The following NCOR2 variants were observed in gnomAD, a reference collection of about 807,000 sequenced individuals.
NCOR2 encodes CTG repeat protein 26.
In NCOR2, 81 loss-of-function variants were observed where a neutral mutation model predicts 262.9. That is an observed-to-expected ratio of 0.31 (90% CI 0.26 to 0.37). The LOEUF is 0.37. Among genes scored for constraint, NCOR2 ranks in the 10% least tolerant of loss-of-function variants. The pLI is 1.00. For synonymous variants in NCOR2, 1,659 were observed against 1,559.3 expected (o/e 1.06, Z -1.51); for missense variants, 3,385 against 3,621.4 (o/e 0.93, Z 1.68).
At position 124,488,465 on chromosome 12, in the gene NCOR2, C is replaced by T. The variant is rs148603634; in HGVS notation, c.106-1897G>A. Among the ~76,000 whole-genome samples, 174 of 152,336 alleles carry T rather than the reference C, an allele frequency of 1.1e-3. 2 individuals carry two copies. The South Asian group carries it at 0.021, about 18-fold the overall frequency. On this transcript the variant is annotated intron_variant, in intron 1 of 46. Transcript: ENST00000405201. ...CCCAGCCCAGATTAAAGGAGGCCTG[C>T]ACCTCCTACACTCATCTCCCTCACC...
intron 17 of NCOR2, among the ~76,000 whole-genome samples, chr12:124,381,641 T>C (rs1440324956): frequency 6.6e-6 from 1 of 152,224 alleles, no homozygotes; most frequent in Non-Finnish European, 1.5e-5. Flanking sequence ...ACACAGCTCA[T>C]GAGTTGAGGA....
At chr12:124,508,919 G>A (rs1207868798) in intron 1 of NCOR2, among the ~76,000 whole-genome samples, 3 of 152,260 alleles carry the variant, frequency 2.0e-5, no homozygotes, top group Admixed American at 6.5e-5. Context: ...CGCCAGCAAC[G>A]GCTTGGAGGG....
chr12:124,338,405 G>A (rs1446186057), intron 37 of NCOR2, among the ~76,000 whole-genome samples: 1 of 151,870 alleles, frequency 6.6e-6, no homozygotes. Flanking sequence ...CTACTTGGGA[G>A]GCTGAGGCAG....
At chr12:124,471,837 G>A (rs1279189657) in intron 4 of NCOR2, among the ~76,000 whole-genome samples, 2 of 152,238 alleles carry the variant, frequency 1.3e-5, no homozygotes, top group Admixed American at 1.3e-4. Context: ...AAAGTGCTGG[G>A]ATTACAGGCA....
intron 16 of NCOR2, among the ~76,000 whole-genome samples, chr12:124,392,300 T>G (rs2041361447): frequency 6.6e-6 from 1 of 152,198 alleles, no homozygotes; most frequent in African/African-American, 2.4e-5. Context: ...CCCAAGTTCC[T>G]GCAGAAACCC....
At chr12:124,409,528 C>G (rs901320664) in intron 13 of NCOR2, among the ~76,000 whole-genome samples, 1 of 152,208 alleles carries the variant, frequency 6.6e-6, no homozygotes, top group African/African-American at 2.4e-5. Context: ...CATGTTTGCC[C>G]TTCAACACTC....
intron 21 of NCOR2, among the ~76,000 whole-genome samples, chr12:124,363,269 G>A (rs2038760254): frequency 6.6e-6 from 1 of 152,232 alleles, no homozygotes; most frequent in South Asian, 2.1e-4. Flanking sequence ...ACCTCCAAGG[G>A]CCCACGCACC....
At chr12:124,499,078 T>C (rs767762345), upstream of NCOR2, among the ~76,000 whole-genome samples, 7 of 152,204 alleles carry the variant, frequency 4.6e-5, no homozygotes, top group Non-Finnish European at 1.0e-4. Context: ...TGTGCAGCAC[T>C]GCGAATAGGG....
At chr12:124,447,212 G>A (rs866933059) in intron 7 of NCOR2, among the ~76,000 whole-genome samples, 3 of 152,250 alleles carry the variant, frequency 2.0e-5, no homozygotes, top group Non-Finnish European at 4.4e-5. Context: ...ACCGCGCCCA[G>A]CACATCTAGT....
chr12:124,429,412 A>T, intron 10 of NCOR2: 1 of 600,502 alleles, frequency 1.7e-6, no homozygotes, highest in Non-Finnish European at 3.0e-6. Flanking sequence ...TCCCTCTCAG[A>T]CACATTAACA....
intron 16 of NCOR2, among the ~76,000 whole-genome samples, chr12:124,397,254 A>T: frequency 6.6e-6 from 1 of 152,152 alleles, no homozygotes; most frequent in East Asian, 1.9e-4. Flanking sequence ...CGAGGGAGGG[A>T]GGAGATTCGC....
upstream of NCOR2, among the ~76,000 whole-genome samples, chr12:124,499,173 G>T (rs553067060): frequency 1.3e-5 from 2 of 152,382 alleles, no homozygotes; most frequent in East Asian, 3.9e-4. Context: ...AAAGATGGGG[G>T]CAGGAGAGGA....
chr12:124,541,967 G>C (rs1161234693), intron 1 of NCOR2, among the ~76,000 whole-genome samples: 5 of 151,038 alleles, frequency 3.3e-5, no homozygotes, highest in African/African-American at 1.2e-4. Flanking sequence ...CTGTGTTCCT[G>C]GCCACAGGAG....
upstream of NCOR2, among the ~76,000 whole-genome samples, chr12:124,537,169 A>G (rs837462): frequency 0.4 from 61,012 of 152,192 alleles, 12,429 homozygotes; most frequent in East Asian, 0.5. Context: ...TAGGACGCCA[A>G]TCACCTCTAG....
intron 1 of NCOR2, among the ~76,000 whole-genome samples, chr12:124,518,866 C>G (rs1242006441): frequency 6.6e-6 from 1 of 152,238 alleles, no homozygotes; most frequent in Non-Finnish European, 1.5e-5. Context: ...CTGAGCGTAG[C>G]TCTGGCGCCT....
chr12:124,450,408 C>T (rs936161044), intron 6 of NCOR2, among the ~76,000 whole-genome samples: 2 of 152,234 alleles, frequency 1.3e-5, no homozygotes, highest in African/African-American at 2.4e-5. Flanking sequence ...AGAGAGACAA[C>T]AGCCACTACC....
At position 124,543,716 on chromosome 12, in the gene NCOR2, C is replaced by T. The variant is rs373693555; in HGVS notation, c.-164-8105G>A. On this transcript the variant is annotated intron_variant, in intron 1 of 32. Transcript: ENST00000458234. ...GAGGGAAGGGGGACGCGGGCTCTGT[C>T]GGGGTGGCAGCAGCCTGGCTCATGG... 1.2e-4 allele frequency among the ~76,000 whole-genome samples: 19 copies of T among 152,290 alleles called. No homozygotes were observed. In the South Asian group the frequency reaches 3.7e-3, roughly 30 times the overall value.
At chr12:124,325,392 C>CCCCCCA in exon 47 of NCOR2, 2 of 1,152,270 alleles carry the variant, frequency 1.7e-6, no homozygotes, top group Non-Finnish European at 2.2e-6. Context: ...CCCCCCCGCC[C>CCCCCCA]TGTTCTGAGT....
intron 21 of NCOR2, 26 bp downstream of exon 23, chr12:124,363,651 CTG>C (rs776766264): frequency 2.2e-6 from 3 of 1,344,818 alleles, no homozygotes; most frequent in Admixed American, 3.0e-5. Flanking sequence ...AGGGTGGACT[CTG>C]TGGGGCTCTG....
Sources: gnomAD v4.1 joint callset for allele counts (sites outside exome capture counted in the v4.1 genomes callset) on GRCh38, gnomAD v4.1.1 for gene constraint, MANE v1.5 for transcripts, NCBI Gene and HGNC (gene_info 2026-07-23, HGNC 2026-07-21) for gene names.